GATB: variants seen among roughly 807,000 people sequenced by gnomAD.
The protein encoded by GATB is glutamyl-tRNA(Gln) amidotransferase subunit B, mitochondrial.
In GATB, 39 loss-of-function variants were observed where a neutral mutation model predicts 62.3. That is an observed-to-expected ratio of 0.63 (90% CI 0.48 to 0.82). The LOEUF is 0.82. Among genes scored for constraint, GATB ranks in the 40% least tolerant of loss-of-function variants. The pLI is 0.00. For missense variants in GATB, 670 were observed against 684.0 expected (o/e 0.98, Z 0.23); for synonymous variants, 276 against 258.9 (o/e 1.07, Z -0.63).
intron 11 of GATB, chr4:151,675,753 C>G (rs1483952443): frequency 1.3e-5 from 2 of 152,364 alleles, no homozygotes; most frequent in African/African-American, 2.4e-5. Flanking sequence ...TGCTGGTCCT[C>G]TGTGTTAATA....
At chr4:151,731,803 C>CA (rs1739259428) in intron 2 of GATB, among the ~76,000 whole-genome samples, 1 of 149,050 alleles carries the variant, frequency 6.7e-6, no homozygotes, top group African/African-American at 2.6e-5. Context: ...TCTGCCCGGC[C>CA]GCCCCGTCTG....
chr4:151,688,581 T>C (rs1320112574), intron 10 of GATB, 49 bp downstream of exon 10: 1 of 1,566,782 alleles, frequency 6.4e-7, no homozygotes, highest in Admixed American at 2.1e-5. Flanking sequence ...CCAGCACTTC[T>C]GGACAGAGCT....
intron 6 of GATB, among the ~76,000 whole-genome samples, chr4:151,706,907 A>C (rs888677434): frequency 2.6e-5 from 4 of 152,216 alleles, no homozygotes; most frequent in Non-Finnish European, 5.9e-5. Context: ...GGTTTTAAAA[A>C]ATCTTTTTAG....
intron 10 of GATB, among the ~76,000 whole-genome samples, chr4:151,680,880 G>A (rs1400395752): frequency 6.6e-6 from 1 of 152,124 alleles, no homozygotes; most frequent in Admixed American, 6.5e-5. Flanking sequence ...AGATTTTGAA[G>A]CATTTTGGAT....
chr4:151,699,355 C>T (rs1196687607), intron 9 of GATB, among the ~76,000 whole-genome samples: 1 of 149,596 alleles, frequency 6.7e-6, no homozygotes, highest in South Asian at 2.1e-4. Context: ...TGCCACTGCA[C>T]TCCAGCCTGG....
intron 3 of GATB, among the ~76,000 whole-genome samples, chr4:151,718,718 T>C (rs1738964512): frequency 6.6e-6 from 1 of 152,246 alleles, no homozygotes; most frequent in South Asian, 2.1e-4. Flanking sequence ...GTTGTTTTTC[T>C]GAATCAGACC....
chr4:151,750,174 C>G lies in GATB; in HGVS notation c.327+8598G>C, dbSNP rs1193212465. 2.6e-5 allele frequency among the ~76,000 whole-genome samples: 4 copies of G among 152,236 alleles called. No homozygotes were observed. The East Asian group carries it at 5.8e-4, about 22-fold the overall frequency. On this transcript the variant is annotated intron_variant, in intron 2 of 12. Transcript: ENST00000263985. Reference sequence around the variant, plus strand: ...GGGATTATAGGCGTGAGCCACCACGCCCAGCCCCTAACTTAAGTTTTTTAA... The same window carrying G: ...GGGATTATAGGCGTGAGCCACCACGGCCAGCCCCTAACTTAAGTTTTTTAA...
intron 11 of GATB, among the ~76,000 whole-genome samples, chr4:151,676,801 TC>T (rs1451460696): frequency 6.6e-6 from 1 of 152,098 alleles, no homozygotes; most frequent in Non-Finnish European, 1.5e-5. Flanking sequence ...ACCTCTTAAC[TC>T]CCCTGGCTCT....
intron 8 of GATB, 72 bp downstream of exon 8, chr4:151,703,779 G>T: frequency 1.9e-6 from 2 of 1,049,434 alleles, no homozygotes; most frequent in South Asian, 2.5e-5. Flanking sequence ...TCATTATGTT[G>T]AACTTTAAAT....
intron 2 of GATB, among the ~76,000 whole-genome samples, chr4:151,732,039 C>A (rs868593034): frequency 1.7e-5 from 2 of 118,324 alleles, no homozygotes; most frequent in African/African-American, 8.4e-5. Flanking sequence ...CCAGCCGCCC[C>A]GTCCGGGAGG....
chr4:151,716,241 G>C, intron 4 of GATB, 110 bp from the exon 5 acceptor site: 1 of 1,149,592 alleles, frequency 8.7e-7, no homozygotes, highest in Non-Finnish European at 1.2e-6. Flanking sequence ...CTCTCAGAGT[G>C]GTTCTAGCCT....
At chr4:151,704,598 C>T (rs541877527) in intron 7 of GATB, among the ~76,000 whole-genome samples, 61 of 151,468 alleles carry the variant, frequency 4.0e-4, no homozygotes, top group African/African-American at 9.7e-4. Context: ...GCACTACAGG[C>T]GCCCGCCACC....
intron 8 of GATB, among the ~76,000 whole-genome samples, chr4:151,702,899 A>G (rs1738633909): frequency 6.6e-6 from 1 of 152,152 alleles, no homozygotes; most frequent in South Asian, 2.1e-4. Context: ...TCTGTGAGTT[A>G]GTCTGGCTTC....
chr4:151,686,652 G>GCCCC (rs374250502), intron 10 of GATB, among the ~76,000 whole-genome samples: 9 of 70,974 alleles, frequency 1.3e-4, no homozygotes, highest in African/African-American at 4.4e-4. Flanking sequence ...TCCCCGCCCC[G>GCCCC]CCCCCCCCCC....
chr4:151,672,644 T>C (rs1441363439), intron 12 of GATB, 118 bp downstream of exon 12: 5 of 1,040,776 alleles, frequency 4.8e-6, no homozygotes, highest in African/African-American at 1.6e-5. Flanking sequence ...GAATTATTGA[T>C]GAAACTGGGT....
At chr4:151,674,344 G>A (rs748762424) in intron 11 of GATB, 1 of 152,222 alleles carries the variant, frequency 6.6e-6, no homozygotes, top group African/African-American at 2.4e-5. Flanking sequence ...CTGGGGACCT[G>A]GATGGCGTTC....
rs181016563 is a variant in GATB at position 151,725,955 on chromosome 4, T to C, written c.328-6417A>G. On this transcript the variant is annotated intron_variant, in intron 2 of 12. Transcript: ENST00000263985. Reference sequence around the variant, plus strand: ...TAAGTATCAGCACATCCTTAAAAAATTGAGGTGACATGGCAAGACTAGAGT... The same window carrying C: ...TAAGTATCAGCACATCCTTAAAAAACTGAGGTGACATGGCAAGACTAGAGT... Among the ~76,000 whole-genome samples, 11 of 152,268 alleles carry C rather than the reference T, an allele frequency of 7.2e-5. No individual in the cohort carries two copies. In the South Asian group the frequency reaches 2.1e-3, roughly 29 times the overall value.
Position 151,679,822 on chromosome 4 carries a change from T to G in GATB, c.1401A>C (p.Ala467=). 1.2e-6 allele frequency: 2 copies of G among 1,614,052 alleles called. No homozygotes were observed. Among genetic ancestry groups the G allele is most frequent in the Non-Finnish European group, 1.7e-6 (2 of 1,179,892 alleles). ...LLDSRTISSS[A]AKQVFEELWK... is the part of the protein sequence containing the mutation. ...GGGAGTGTGGACATACCTGTTTAGC[T>G]GCTGATGAAGAAATTGTTCTGCTGT... is the stretch of plus-strand genomic sequence containing the variant. The change falls in exon 11 of 13, where the codon GCA becomes GCC. Residue 467 remains alanine (A), a synonymous_variant. Coordinates refer to ENST00000263985, the MANE Select transcript of GATB (RefSeq NM_004564.3).
At chr4:151,701,615 T>G in intron 8 of GATB, 97 bp from the exon 9 acceptor site, 1 of 871,520 alleles carries the variant, frequency 1.1e-6, no homozygotes, top group Non-Finnish European at 1.6e-6. Context: ...TGTGTTTAGA[T>G]GCCATGTTAC....
Sources: gnomAD v4.1 joint callset for allele counts (sites outside exome capture counted in the v4.1 genomes callset) on GRCh38, gnomAD v4.1.1 for gene constraint, MANE v1.5 for transcripts, NCBI Gene and HGNC (gene_info 2026-07-23, HGNC 2026-07-21) for gene names.